Variants in CTNNA3 observed in about 807,000 individuals in gnomAD.
CTNNA3 encodes the protein catenin alpha 3.
In CTNNA3, 76 loss-of-function variants were observed where a neutral mutation model predicts 95.7. The observed-to-expected ratio is 0.79, with a 90% confidence interval of 0.66 to 0.96. The LOEUF (loss-of-function observed/expected upper bound fraction) is 0.96. Among genes scored for constraint, CTNNA3 ranks in the 40% least tolerant of loss-of-function variants. The pLI is 0.00. For missense variants in CTNNA3, 1,191 were observed against 1,089.8 expected, an observed-to-expected ratio of 1.09 and a Z score of -1.31; for synonymous variants, 431 against 374.4, an observed-to-expected ratio of 1.15 and a Z score of -1.74.
chr10:67,696,889 C>T (rs989273320), upstream of CTNNA3, among the ~76,000 whole-genome samples: 2 of 152,090 alleles, frequency 1.3e-5, no homozygotes, highest in Non-Finnish European at 2.9e-5. Context: ...GTGGCATTTC[C>T]TTGGACATTA....
At chr10:66,861,684 TA>T (rs1181207353) in intron 7 of CTNNA3, among the ~76,000 whole-genome samples, 1 of 152,222 alleles carries the variant, frequency 6.6e-6, no homozygotes, top group Non-Finnish European at 1.5e-5. Context: ...GAGCCCATCA[TA>T]TTTGTTGTTT....
intron 7 of CTNNA3, among the ~76,000 whole-genome samples, chr10:67,076,544 G>T (rs868161605): frequency 5.3e-4 from 81 of 152,276 alleles, no homozygotes; most frequent in Middle Eastern, 6.8e-3. Context: ...AGATTCATTT[G>T]AGCACATAGA....
At chr10:66,606,782 G>T (rs193046533) in intron 10 of CTNNA3, among the ~76,000 whole-genome samples, 1 of 152,222 alleles carries the variant, frequency 6.6e-6, no homozygotes, top group East Asian at 1.9e-4. Context: ...ACAGTATTAA[G>T]AGGACAATTT....
chr10:66,974,137 A>G (rs1849890148), intron 7 of CTNNA3, among the ~76,000 whole-genome samples: 2 of 152,142 alleles, frequency 1.3e-5, no homozygotes, highest in Admixed American at 1.3e-4. Flanking sequence ...TGTCTCTATC[A>G]CCACAGATTA....
At chr10:67,504,313 C>A (rs531451973) in intron 5 of CTNNA3, among the ~76,000 whole-genome samples, 102 of 150,132 alleles carry the variant, frequency 6.8e-4, no homozygotes, top group African/African-American at 2.3e-3. Context: ...ATTGGCCGGG[C>A]GTGATGGCAG....
intron 5 of CTNNA3, among the ~76,000 whole-genome samples, chr10:67,293,160 G>T (rs75778009): frequency 0.041 from 6,260 of 152,146 alleles, 180 homozygotes; most frequent in South Asian, 0.1. Flanking sequence ...TGCTAAGCTT[G>T]ATCAAGTAGA....
intron 7 of CTNNA3, among the ~76,000 whole-genome samples, chr10:67,121,084 C>T (rs1333980837): frequency 6.6e-6 from 1 of 151,996 alleles, no homozygotes; most frequent in Non-Finnish European, 1.5e-5. Flanking sequence ...AAAGCATTCC[C>T]TTGAATAACA....
intron 15 of CTNNA3, among the ~76,000 whole-genome samples, chr10:66,004,838 A>T (rs1219137335): frequency 6.6e-6 from 1 of 152,136 alleles, no homozygotes; most frequent in Non-Finnish European, 1.5e-5. Flanking sequence ...TACTTGTTCC[A>T]CTAATTTTTC....
chr10:66,755,221 T>A (rs528569509), intron 9 of CTNNA3, among the ~76,000 whole-genome samples: 1 of 152,282 alleles, frequency 6.6e-6, no homozygotes, highest in South Asian at 2.1e-4. Flanking sequence ...CCACATATTG[T>A]ATGGTTCCTT....
At chr10:66,840,411 C>CAA (rs1222325245) in intron 7 of CTNNA3, among the ~76,000 whole-genome samples, 5 of 138,280 alleles carry the variant, frequency 3.6e-5, no homozygotes, top group African/African-American at 1.1e-4. Context: ...CACACACACA[C>CAA]CCCTCGGTAT....
intron 7 of CTNNA3, among the ~76,000 whole-genome samples, chr10:66,896,293 C>T (rs1845489736): frequency 6.6e-6 from 1 of 152,068 alleles, no homozygotes; most frequent in African/African-American, 2.4e-5. Context: ...ATAGCTATAA[C>T]TCTGTTATTT....
intron 7 of CTNNA3, among the ~76,000 whole-genome samples, chr10:66,788,625 T>C (rs770667954): frequency 6.6e-6 from 1 of 152,156 alleles, no homozygotes; most frequent in Non-Finnish European, 1.5e-5. Flanking sequence ...TAACTCCTCC[T>C]TCCATCAACC....
chr10:67,667,109 T>A (rs1234851680), intron 1 of CTNNA3, among the ~76,000 whole-genome samples: 1 of 152,188 alleles, frequency 6.6e-6, no homozygotes, highest in Admixed American at 6.5e-5. Flanking sequence ...TTTAACTCCC[T>A]GTTTAATATT....
chr10:67,217,465 T>C (rs956690529), intron 6 of CTNNA3, among the ~76,000 whole-genome samples: 4 of 152,192 alleles, frequency 2.6e-5, no homozygotes, highest in African/African-American at 4.8e-5. Flanking sequence ...GAATCCTCAT[T>C]AGGATCTCAG....
chr10:67,132,834 C>T (rs1030119830), intron 7 of CTNNA3, among the ~76,000 whole-genome samples: 4 of 152,040 alleles, frequency 2.6e-5, no homozygotes, highest in Non-Finnish European at 4.4e-5. Context: ...AAATGCCACA[C>T]GTTCCCACTC....
intron 5 of CTNNA3, among the ~76,000 whole-genome samples, chr10:67,239,402 A>T (rs1011745445): frequency 1.3e-5 from 2 of 151,678 alleles, no homozygotes; most frequent in African/African-American, 4.8e-5. Flanking sequence ...AAGAGTATGT[A>T]TGGTTTAATT....
At chr10:67,342,099 C>CTTTTTTTTTTTTTTTTTTTTTTT (rs764381058) in intron 5 of CTNNA3, among the ~76,000 whole-genome samples, 1 of 83,660 alleles carries the variant, frequency 1.2e-5, no homozygotes, top group African/African-American at 4.5e-5. Context: ...TATTTTTCTT[C>CTTTTTTTTTTTTTTTTTTTTTTT]TTTTTTTTTT....
intron 11 of CTNNA3, among the ~76,000 whole-genome samples, chr10:66,495,023 G>A (rs1288154235): frequency 6.6e-6 from 1 of 152,156 alleles, no homozygotes; most frequent in South Asian, 2.1e-4. Context: ...AGAGGGGAAT[G>A]GGTGAATGGT....
intron 13 of CTNNA3, among the ~76,000 whole-genome samples, chr10:66,162,054 A>AT (rs200868329): frequency 7.4e-5 from 11 of 147,712 alleles, no homozygotes; most frequent in East Asian, 4.0e-4. Context: ...TGAATTTTTT[A>AT]TTTTTTTTTT....
Sources: gnomAD v4.1 joint callset for allele counts (sites outside exome capture counted in the v4.1 genomes callset) on GRCh38, gnomAD v4.1.1 for gene constraint, MANE v1.5 for transcripts, NCBI Gene and HGNC (gene_info 2026-07-23, HGNC 2026-07-21) for gene names.